CSMD1: variants seen among roughly 807,000 people sequenced by gnomAD.
CSMD1 encodes CUB and Sushi multiple domains 1.
Under a neutral mutation model 417.5 loss-of-function variants are expected in CSMD1, and 213 were observed. The observed-to-expected ratio is 0.51, with a 90% CI of 0.46 to 0.57. The LOEUF is 0.57. CSMD1 is among the 20% of genes least tolerant of loss of function. The pLI is 0.00. For missense variants in CSMD1, 6,923 were observed against 4,529.7 expected (o/e 1.53, Z -15.17); for synonymous variants, 2,862 against 1,736.8 (o/e 1.65, Z -16.11).
At chr8:4,153,434 G>A (rs915868517) in intron 3 of CSMD1, among the ~76,000 whole-genome samples, 4 of 152,144 alleles carry the variant, frequency 2.6e-5, no homozygotes, top group African/African-American at 7.2e-5. Flanking sequence ...CCTGTGCCCC[G>A]CACTTAGCAG....
Position 4,488,912 on chromosome 8 carries a change from A to G in CSMD1, c.303-68847T>C, listed in dbSNP as rs558728082. 1.2e-4 allele frequency among the ~76,000 whole-genome samples: 19 copies of G among 152,272 alleles called. No homozygotes were observed. The East Asian group carries it at 3.5e-3, about 28-fold the overall frequency. On this transcript the variant is annotated intron_variant, in intron 2 of 69. Transcript: ENST00000635120. ...AATGTGCATGCCTTCAGCAATTACT[A>G]AACATTTTTTTATTTTTGAGACTGA... is the stretch of plus-strand genomic sequence containing the variant.
chr8:3,006,042 TCTC>T (rs1283340467), intron 52 of CSMD1, among the ~76,000 whole-genome samples: 2 of 151,836 alleles, frequency 1.3e-5, no homozygotes, highest in African/African-American at 4.8e-5. Context: ...CAGCCCAAAA[TCTC>T]CTTAAGCTGA....
rs147789686 is a variant in CSMD1, at chr8:3,714,650, T to C, written c.932-6159A>G. Among the ~76,000 whole-genome samples, 1,249 of 150,764 alleles carry C rather than the reference T, an allele frequency of 8.3e-3. 16 individuals are homozygous for C. Among genetic ancestry groups the C allele is most frequent in the African/African-American group, 0.029 (1,186 of 41,016 alleles). ...TAGTTGGGAGGCTGAGGAACTAGAA[T>C]TGCTTGAACCCCGGAGGCAGAGTTT... On this transcript the variant is annotated intron_variant, in intron 6 of 69. Coordinates refer to ENST00000635120, the MANE Select transcript of CSMD1 (RefSeq NM_033225.6).
chr8:3,682,287 A>C (rs1357407015), intron 7 of CSMD1, among the ~76,000 whole-genome samples: 4 of 152,142 alleles, frequency 2.6e-5, no homozygotes, highest in Non-Finnish European at 2.9e-5. Flanking sequence ...TTTGCAATCT[A>C]CTCATCTGAC....
intron 5 of CSMD1, among the ~76,000 whole-genome samples, chr8:3,941,504 C>T (rs1307543324): frequency 6.6e-6 from 1 of 152,078 alleles, no homozygotes; most frequent in Non-Finnish European, 1.5e-5. Flanking sequence ...ATAAAAGGAG[C>T]TTTGATTTAA....
intron 5 of CSMD1, among the ~76,000 whole-genome samples, chr8:3,855,711 T>C (rs1167316749): frequency 1.3e-5 from 2 of 152,176 alleles, no homozygotes; most frequent in East Asian, 1.9e-4. Context: ...ACCATTTTCT[T>C]CTACTGAGAA....
At chr8:4,367,626 T>C (rs908786015) in intron 3 of CSMD1, among the ~76,000 whole-genome samples, 1 of 152,172 alleles carries the variant, frequency 6.6e-6, no homozygotes, top group Non-Finnish European at 1.5e-5. Flanking sequence ...TTGATATTAA[T>C]ATTGAATCTG....
chr8:2,947,672 T>A (rs1802345281), intron 68 of CSMD1, among the ~76,000 whole-genome samples: 1 of 152,146 alleles, frequency 6.6e-6, no homozygotes, highest in African/African-American at 2.4e-5. Flanking sequence ...CACTGGGGTG[T>A]CCTTCAACAA....
At chr8:3,672,424 G>A (rs1270038441) in intron 7 of CSMD1, among the ~76,000 whole-genome samples, 3 of 152,256 alleles carry the variant, frequency 2.0e-5, no homozygotes, top group South Asian at 4.1e-4. Flanking sequence ...AGTCCAGGGT[G>A]TGCTGGTATC....
intron 1 of CSMD1, among the ~76,000 whole-genome samples, chr8:4,979,620 CTAAT>C (rs1331355935): frequency 6.6e-6 from 1 of 152,188 alleles, no homozygotes; most frequent in African/African-American, 2.4e-5. Context: ...ATGCAATTGT[CTAAT>C]TGTTCTAATT....
chr8:3,555,776 G>C (rs113404752), intron 10 of CSMD1, among the ~76,000 whole-genome samples: 28 of 152,236 alleles, frequency 1.8e-4, no homozygotes, highest in African/African-American at 5.8e-4. Flanking sequence ...TAGATAGTTA[G>C]ATAGATGTAT....
At chr8:4,036,922 C>T (rs552692980) in intron 3 of CSMD1, among the ~76,000 whole-genome samples, 1 of 151,814 alleles carries the variant, frequency 6.6e-6, no homozygotes, top group Non-Finnish European at 1.5e-5. Context: ...GGCTCATTGG[C>T]ATGTGCCCTG....
rs368191339 is a variant in CSMD1 at position 4,534,835 on chromosome 8, T to C, written c.302+102507A>G. Among the ~76,000 whole-genome samples the C allele has an allele frequency of 1.6e-3, 247 of 152,246 alleles. 1 individual carries two copies. Among genetic ancestry groups the C allele is most frequent in the African/African-American group, 5.7e-3 (237 of 41,556 alleles). Reference sequence around the variant, plus strand: ...TGGAGTGCAGTAGTGTGATCTCAGCTCGATGCAAGCTCCGCCTCCCGGGTT... The same window carrying C: ...TGGAGTGCAGTAGTGTGATCTCAGCCCGATGCAAGCTCCGCCTCCCGGGTT... On this transcript the variant is annotated intron_variant, in intron 2 of 69. Coordinates refer to ENST00000635120, the MANE Select transcript of CSMD1 (RefSeq NM_033225.6).
chr8:3,956,786 G>T (rs941289016), intron 5 of CSMD1, among the ~76,000 whole-genome samples: 1 of 152,044 alleles, frequency 6.6e-6, no homozygotes, highest in Non-Finnish European at 1.5e-5. Context: ...TGGAAGAATC[G>T]ATTTAGGAGC....
chr8:4,423,347 T>G (rs1457213261), intron 2 of CSMD1, among the ~76,000 whole-genome samples: 1 of 152,092 alleles, frequency 6.6e-6, no homozygotes, highest in Non-Finnish European at 1.5e-5. Context: ...GAGCTAATAC[T>G]TGATATCATC....
intron 2 of CSMD1, among the ~76,000 whole-genome samples, chr8:4,614,503 G>C (rs1030103883): frequency 6.6e-6 from 1 of 152,036 alleles, no homozygotes; most frequent in South Asian, 2.1e-4. Flanking sequence ...TTATTTTTAA[G>C]ATTCATATAC....
chr8:4,349,382 T>G (rs182564715), intron 3 of CSMD1, among the ~76,000 whole-genome samples: 1 of 152,278 alleles, frequency 6.6e-6, no homozygotes, highest in Admixed American at 6.5e-5. Flanking sequence ...AAAGCATCCT[T>G]TTGTGGTAGG....
At chr8:3,049,845 G>C (rs150145349) in intron 50 of CSMD1, among the ~76,000 whole-genome samples, 3 of 152,056 alleles carry the variant, frequency 2.0e-5, no homozygotes, top group Non-Finnish European at 4.4e-5. Context: ...TTGATAGTGG[G>C]GAGGTATGCA....
chr8:4,159,875 T>A (rs1441427737), intron 3 of CSMD1, among the ~76,000 whole-genome samples: 1 of 152,172 alleles, frequency 6.6e-6, no homozygotes, highest in East Asian at 1.9e-4. Flanking sequence ...CACCCATAAG[T>A]GCGAGCTAGC....
Sources: allele counts gnomAD v4.1 joint callset (sites outside exome capture counted in the v4.1 genomes callset), GRCh38; gene constraint gnomAD v4.1.1; transcripts MANE v1.5; gene names NCBI Gene and HGNC (gene_info 2026-07-23, HGNC 2026-07-21).